Variants in SMURF1 observed in about 807,000 individuals in gnomAD.
SMURF1 encodes E3 ubiquitin-protein ligase SMURF1.
SMURF1 carries 44 observed loss-of-function variants against 98.0 expected under a neutral mutation model. The observed-to-expected ratio is 0.45, with a 90% CI of 0.35 to 0.58. SMURF1 has a LOEUF of 0.58. Among genes scored for constraint, SMURF1 ranks in the 20% least tolerant of loss-of-function variants. The pLI is 0.00. For missense variants in SMURF1, 687 were observed against 938.4 expected (o/e 0.73, Z 3.50); for synonymous variants, 396 against 374.9 (o/e 1.06, Z -0.65).
At chr7:99,130,230 A>G (rs1388753890) in intron 1 of SMURF1, among the ~76,000 whole-genome samples, 3 of 152,210 alleles carry the variant, frequency 2.0e-5, no homozygotes, top group East Asian at 1.9e-4. Context: ...AGGCGGGCCA[A>G]TCAGCTGAGG....
chr7:99,115,220 A>G (rs1431487210), intron 1 of SMURF1, among the ~76,000 whole-genome samples: 2 of 152,154 alleles, frequency 1.3e-5, no homozygotes, highest in Non-Finnish European at 2.9e-5. Context: ...TGAAAAGATC[A>G]ATAAAACTAA....
chr7:99,047,566 A>C (rs2150521250), intron 10 of SMURF1, 118 bp downstream of exon 10: 1 of 1,017,806 alleles, frequency 9.8e-7, no homozygotes, highest in East Asian at 2.5e-5. Context: ...CGCAGACATC[A>C]CCCACAAAGC....
chr7:99,055,794 G>A (rs1418549329), intron 5 of SMURF1, among the ~76,000 whole-genome samples: 2 of 152,048 alleles, frequency 1.3e-5, no homozygotes, highest in African/African-American at 2.4e-5. Flanking sequence ...GCAAAACCCC[G>A]TCTCCACTAC....
chr7:99,067,242 C>T (rs556436929), intron 1 of SMURF1, among the ~76,000 whole-genome samples: 29 of 151,812 alleles, frequency 1.9e-4, no homozygotes, highest in African/African-American at 6.3e-4. Flanking sequence ...ATGGTCCACC[C>T]GCCTCGGCCT....
At chr7:99,110,687 G>T (rs546482545) in intron 1 of SMURF1, among the ~76,000 whole-genome samples, 1 of 152,324 alleles carries the variant, frequency 6.6e-6, no homozygotes, top group Non-Finnish European at 1.5e-5. Context: ...CTTTTTAAAT[G>T]CATGTGCCGT....
intron 1 of SMURF1, among the ~76,000 whole-genome samples, chr7:99,079,920 A>G (rs867391776): frequency 2.6e-5 from 4 of 152,134 alleles, no homozygotes; most frequent in African/African-American, 4.8e-5. Flanking sequence ...ATTAATAAAG[A>G]TAATAGTGCA....
intron 1 of SMURF1, chr7:99,080,994 T>C: frequency 6.6e-6 from 1 of 152,248 alleles, no homozygotes; most frequent in Non-Finnish European, 1.5e-5. Flanking sequence ...TCGGCCTTGA[T>C]ATCTGAATGA....
At chr7:99,089,211 A>G (rs1563023645) in intron 1 of SMURF1, among the ~76,000 whole-genome samples, 2 of 151,824 alleles carry the variant, frequency 1.3e-5, no homozygotes, top group Non-Finnish European at 1.5e-5. Flanking sequence ...AAAAAAAAAA[A>G]AAAGAAAGAA....
chr7:99,040,542 A>T lies in SMURF1; in HGVS notation c.1386T>A (p.Tyr462Ter). The change falls in exon 13 of 18, where the codon TAT becomes TAA. Residue 462 changes from tyrosine (Y) to a stop codon, truncating the protein, a stop_gained. Coordinates refer to ENST00000361368, the MANE Select transcript of SMURF1 (RefSeq NM_181349.3). LOFTEE classifies it high-confidence loss of function. ...CCATGATCCGCCCCACAAAGTGGAAATAAGACAAGTGGTCCTGTAGGGGGC... is the reference window on the plus strand; with the variant it reads ...CCATGATCCGCCCCACAAAGTGGAATTAAGACAAGTGGTCCTGTAGGGGGC... ...DSSINPDHLSYFHFVGRIMGL... is the reference protein window; with the variant it reads ...DSSINPDHLS The T allele has an allele frequency of 6.7e-7, 1 of 1,492,674 alleles. No homozygotes were observed. The highest frequency in any genetic ancestry group is 8.9e-7 in the Non-Finnish European group (1 of 1,120,226). 92.5% of individuals were successfully genotyped at this position (1,492,674 alleles called of 1,614,324 possible). A position where few individuals can be genotyped will look rare whatever the true frequency, so the allele number is the denominator to read the frequency against.
At chr7:99,056,475 G>A (rs1047928481) in intron 5 of SMURF1, among the ~76,000 whole-genome samples, 2 of 152,152 alleles carry the variant, frequency 1.3e-5, no homozygotes, top group Non-Finnish European at 2.9e-5. Context: ...TCCCCTGACT[G>A]TACAAATCAT....
chr7:99,102,718 G>A (rs1169028047), intron 1 of SMURF1, among the ~76,000 whole-genome samples: 1 of 152,180 alleles, frequency 6.6e-6, no homozygotes, highest in African/African-American at 2.4e-5. Flanking sequence ...AATGTTATAA[G>A]TAAAGGTTAT....
intron 11 of SMURF1, among the ~76,000 whole-genome samples, chr7:99,043,500 C>T (rs759654874): frequency 4.0e-4 from 61 of 152,240 alleles, no homozygotes; most frequent in Non-Finnish European, 6.0e-4. Flanking sequence ...AAATTCACAA[C>T]GACCCATCTC....
intron 1 of SMURF1, among the ~76,000 whole-genome samples, chr7:99,083,279 ACT>A (rs1443647216): frequency 6.6e-6 from 1 of 152,142 alleles, no homozygotes; most frequent in Non-Finnish European, 1.5e-5. Flanking sequence ...GATAAAACAA[ACT>A]CTTAGCATTT....
intron 1 of SMURF1, among the ~76,000 whole-genome samples, chr7:99,076,469 A>G (rs939202701): frequency 5.9e-5 from 9 of 152,276 alleles, no homozygotes; most frequent in Non-Finnish European, 7.3e-5. Flanking sequence ...ACAAACATCA[A>G]ACACTTCCAG....
At chr7:99,041,915 A>C (rs542198007) in intron 12 of SMURF1, among the ~76,000 whole-genome samples, 1 of 152,312 alleles carries the variant, frequency 6.6e-6, no homozygotes, top group Admixed American at 6.5e-5. Flanking sequence ...TCAACACAGC[A>C]CACCCAGTGA....
intron 10 of SMURF1, 22 bp downstream of exon 10, chr7:99,047,662 G>A: frequency 6.2e-7 from 1 of 1,612,758 alleles, no homozygotes; most frequent in South Asian, 1.1e-5. Flanking sequence ...CAGGGTCTGG[G>A]CAGTGGCCCT....
At chr7:99,089,916 G>A (rs770445675) in intron 1 of SMURF1, among the ~76,000 whole-genome samples, 25 of 152,164 alleles carry the variant, frequency 1.6e-4, no homozygotes, top group Non-Finnish European at 2.8e-4. Context: ...GTGTGGGGTA[G>A]GAGAGAAGGA....
chr7:99,067,180 T>G (rs940305972), intron 1 of SMURF1, among the ~76,000 whole-genome samples: 1 of 151,912 alleles, frequency 6.6e-6, no homozygotes, highest in African/African-American at 2.4e-5. Flanking sequence ...TTATTTTTAG[T>G]AGAGACGGGG....
At chr7:99,058,558 C>T (rs1175283087) in intron 3 of SMURF1, among the ~76,000 whole-genome samples, 1 of 152,166 alleles carries the variant, frequency 6.6e-6, no homozygotes, top group Non-Finnish European at 1.5e-5. Context: ...ATTCAAAGTA[C>T]ACAAGAGGAC....
Sources: allele counts gnomAD v4.1 joint callset (sites outside exome capture counted in the v4.1 genomes callset), GRCh38; gene constraint gnomAD v4.1.1; transcripts MANE v1.5; gene names NCBI Gene and HGNC (gene_info 2026-07-23, HGNC 2026-07-21).